The following GABRA2 variants were observed in gnomAD, a reference collection of about 807,000 sequenced individuals.
GABRA2 encodes the protein gamma-aminobutyric acid type A receptor subunit alpha2, also known as gamma-aminobutyric acid receptor subunit alpha-2.
A neutral mutation model predicts 48.7 loss-of-function variants in GABRA2; 16 were observed. The observed-to-expected ratio is 0.33, with a 90% CI of 0.22 to 0.50. The LOEUF is 0.50. Among genes scored for constraint, GABRA2 ranks in the 20% least tolerant of loss-of-function variants. The probability of loss-of-function intolerance (pLI) is 0.98; values close to 1 mark genes in which losing one functional copy is unlikely to be tolerated. For synonymous variants in GABRA2, 185 were observed against 184.5 expected (o/e 1.00, Z -0.02); for missense variants, 275 against 535.6 (o/e 0.51, Z 4.80).
Position 46,243,663 on chromosome 4 carries a change from C to A in GABRA2, c.*6645G>T, listed in dbSNP as rs983963407. 1 of 151,354 alleles carries A rather than the reference C, an allele frequency of 6.6e-6. No homozygotes were observed. The allele number at this position is 151,354 out of a possible 1,614,324, so 9.4% of individuals were successfully genotyped here. On this transcript the variant is annotated 3_prime_UTR_variant, in exon 10 of 10. Transcript: ENST00000381620. ...ACATATTCAATAAAGGTCATATGATCAACTAGTGGCCTTTCCCAATTACAA... is the reference window on the plus strand; with the variant it reads ...ACATATTCAATAAAGGTCATATGATAAACTAGTGGCCTTTCCCAATTACAA...
rs1260958789 is a variant in GABRA2, at chr4:46,247,940, C to T, written c.*2368G>A. On this transcript the variant is annotated 3_prime_UTR_variant, in exon 10 of 10. Coordinates refer to ENST00000381620, the MANE Select transcript of GABRA2 (RefSeq NM_000807.4). Reference sequence around the variant, plus strand: ...GATCCCTAGCACTGAAAAATCTGAACTGCCAGAATGTCATTGCACTCAAAT... The same window carrying T: ...GATCCCTAGCACTGAAAAATCTGAATTGCCAGAATGTCATTGCACTCAAAT... Among the ~76,000 whole-genome samples the T allele has an allele frequency of 6.6e-6, 1 of 151,152 alleles. No homozygotes were observed. The highest frequency in any genetic ancestry group is 1.5e-5 in the Non-Finnish European group (1 of 67,436).
At position 46,312,731 on chromosome 4, in the gene GABRA2, A is replaced by T; in HGVS notation, c.256-15T>A. On this transcript the variant is annotated splice_polypyrimidine_tract_variant and intron_variant, in intron 4 of 9. Coordinates refer to ENST00000381620, the MANE Select transcript of GABRA2 (RefSeq NM_000807.4). Reference sequence around the variant, plus strand: ...ATTGTATATTCCTGAAATAAAAAATAGAATTTTTTTGAAAATAGTAAATGT... The same window carrying T: ...ATTGTATATTCCTGAAATAAAAAATTGAATTTTTTTGAAAATAGTAAATGT... 7.3e-7 allele frequency: 1 copy of T among 1,368,108 alleles called. No individual in the cohort carries two copies. Among genetic ancestry groups the T allele is most frequent in the Non-Finnish European group, 1.0e-6 (1 of 1,004,186 alleles). The allele number at this position is 1,368,108 out of a possible 1,614,324, so 84.7% of individuals were successfully genotyped here. A position where few individuals can be genotyped will look rare whatever the true frequency, so the allele number is the denominator to read the frequency against.
At chr4:46,329,479 C>T (rs542431142) in intron 4 of GABRA2, among the ~76,000 whole-genome samples, 70 of 152,192 alleles carry the variant, frequency 4.6e-4, no homozygotes, top group African/African-American at 1.6e-3. Context: ...TGTTTCTTCA[C>T]CACCAGTAGC....
intron 9 of GABRA2, among the ~76,000 whole-genome samples, chr4:46,257,514 C>G (rs966786352): frequency 1.3e-5 from 2 of 151,624 alleles, no homozygotes; most frequent in Admixed American, 6.6e-5. Flanking sequence ...GACCAATTCT[C>G]ATTTCTAAAA....
Position 46,273,380 on chromosome 4 carries a change from C to CTCTG in GABRA2, c.857-11253_857-11252insCAGA, listed in dbSNP as rs1553901970. On this transcript the variant is annotated intron_variant, in intron 8 of 9. Transcript: ENST00000381620. ...CTTTCTTCTTTCTCTCTCTCTCCCT[C>CTCTG]TGTGTGTGTGTGTGTGTGTGTGTAT... Among the ~76,000 whole-genome samples, 11 of 144,762 alleles carry CTCTG rather than the reference C, an allele frequency of 7.6e-5. No homozygotes were observed. The East Asian group carries it at 2.1e-3, about 27-fold the overall frequency. 95.0% of individuals were successfully genotyped at this position (144,762 alleles called of 152,430 possible).
chr4:46,284,868 A>G (rs1214259713), intron 8 of GABRA2, among the ~76,000 whole-genome samples: 1 of 152,012 alleles, frequency 6.6e-6, no homozygotes, highest in Non-Finnish European at 1.5e-5. Context: ...ATTACCCACA[A>G]CGTAAAGCTT....
chr4:46,382,010 G>A (rs1171196463), intron 3 of GABRA2, among the ~76,000 whole-genome samples: 1 of 152,052 alleles, frequency 6.6e-6, no homozygotes, highest in Non-Finnish European at 1.5e-5. Flanking sequence ...ATATTTTGTT[G>A]AGTGCTTACT....
chr4:46,319,424 A>G (rs773448179), intron 4 of GABRA2, among the ~76,000 whole-genome samples: 1 of 151,770 alleles, frequency 6.6e-6, no homozygotes, highest in Non-Finnish European at 1.5e-5. Context: ...ATAATGAAGA[A>G]CATGTAGTCT....
At position 46,297,127 on chromosome 4, in the gene GABRA2, G is replaced by T. The variant is rs140326337; in HGVS notation, c.856+6333C>A. Reference sequence around the variant, plus strand: ...GAGTGTCAACTTGATTGGATTGAAGGATGCAAAGTATTGATCCTGGGTGTG... The same window carrying T: ...GAGTGTCAACTTGATTGGATTGAAGTATGCAAAGTATTGATCCTGGGTGTG... On this transcript the variant is annotated intron_variant, in intron 8 of 9. Transcript: ENST00000381620. Among the ~76,000 whole-genome samples, 833 of 152,144 alleles carry T rather than the reference G, an allele frequency of 5.5e-3. 5 individuals are homozygous for T. Among genetic ancestry groups the T allele is most frequent in the Non-Finnish European group, 9.1e-3 (619 of 67,992 alleles).
At position 46,389,772 on chromosome 4, in the gene GABRA2, T is replaced by A. The variant is rs1444058359; in HGVS notation, c.-48A>T. ...GCAGAATTCGGTGTTTTCTTCCTTT[T>A]GCCCTGATCTTGACGAGATAGGAAA... On this transcript the variant is annotated 5_prime_UTR_variant, in exon 1 of 10. Transcript: ENST00000381620. The A allele has an allele frequency of 2.5e-5, 24 of 972,998 alleles. No homozygotes were observed. Among genetic ancestry groups the A allele is most frequent in the Non-Finnish European group, 2.5e-5 (21 of 827,996 alleles). The allele number at this position is 972,998 out of a possible 1,614,324, so 60.3% of individuals were successfully genotyped here.
chr4:46,298,254 T>C (rs1725114324), intron 8 of GABRA2, among the ~76,000 whole-genome samples: 1 of 152,130 alleles, frequency 6.6e-6, no homozygotes, highest in Non-Finnish European at 1.5e-5. Context: ...TTCTGTGTTT[T>C]CTTGTTTCCC....
chr4:46,356,641 C>T (rs550744428), intron 3 of GABRA2, among the ~76,000 whole-genome samples: 1 of 152,226 alleles, frequency 6.6e-6, no homozygotes, highest in South Asian at 2.1e-4. Context: ...GCAGGACAAT[C>T]AGGAACTAAT....
intron 3 of GABRA2, among the ~76,000 whole-genome samples, chr4:46,340,703 T>C (rs1191920867): frequency 3.3e-5 from 5 of 152,052 alleles, no homozygotes; most frequent in Admixed American, 6.6e-5. Context: ...TTTAATTTAC[T>C]AGTATTTTGT....
intron 3 of GABRA2, among the ~76,000 whole-genome samples, chr4:46,359,594 T>C (rs1430957821): frequency 1.3e-5 from 2 of 152,166 alleles, no homozygotes; most frequent in African/African-American, 4.8e-5. Context: ...TCAAAAATAA[T>C]TACCTTCAAG....
intron 3 of GABRA2, among the ~76,000 whole-genome samples, chr4:46,378,265 T>A (rs1201701466): frequency 6.6e-6 from 1 of 152,206 alleles, no homozygotes; most frequent in African/African-American, 2.4e-5. Flanking sequence ...TTGCCGTGTC[T>A]GTGTAGAAAG....
At chr4:46,340,705 G>A (rs1733071820) in intron 3 of GABRA2, among the ~76,000 whole-genome samples, 1 of 151,916 alleles carries the variant, frequency 6.6e-6, no homozygotes, top group Non-Finnish European at 1.5e-5. Context: ...TAATTTACTA[G>A]TATTTTGTAG....
At chr4:46,277,815 T>C (rs1375699892) in intron 8 of GABRA2, among the ~76,000 whole-genome samples, 1 of 152,208 alleles carries the variant, frequency 6.6e-6, no homozygotes, top group African/African-American at 2.4e-5. Context: ...GCTGCTGCTA[T>C]TCAGTCCCAG....
intron 3 of GABRA2, among the ~76,000 whole-genome samples, chr4:46,363,255 G>A (rs1713505417): frequency 2.0e-5 from 3 of 152,186 alleles, no homozygotes; most frequent in Admixed American, 1.3e-4. Context: ...GTGGCCGGGG[G>A]AGTATTAAGA....
chr4:46,309,974 T>G (rs1380669567), intron 6 of GABRA2, among the ~76,000 whole-genome samples, 199 bp downstream of exon 6: 1 of 152,322 alleles, frequency 6.6e-6, no homozygotes, highest in African/African-American at 2.4e-5. Flanking sequence ...TAAGTCATAA[T>G]TGTTTAACAC....
Sources: gnomAD v4.1 joint callset for allele counts (sites outside exome capture counted in the v4.1 genomes callset) on GRCh38, gnomAD v4.1.1 for gene constraint, MANE v1.5 for transcripts, NCBI Gene and HGNC (gene_info 2026-07-23, HGNC 2026-07-21) for gene names.